Variants in RANBP1 observed in about 807,000 individuals in gnomAD.
The protein encoded by RANBP1 is RAN binding protein 1, also known as ran-specific GTPase-activating protein.
A neutral mutation model predicts 31.4 loss-of-function variants in RANBP1; 16 were observed. That is an observed-to-expected ratio of 0.51 (90% CI 0.34 to 0.77). The LOEUF (loss-of-function observed/expected upper bound fraction) is 0.77, where lower values mean the gene tolerates loss of function less well. Among genes scored for constraint, RANBP1 ranks in the 30% least tolerant of loss-of-function variants. The pLI is 0.01. For missense variants in RANBP1, 265 were observed against 362.0 expected, an observed-to-expected ratio of 0.73 and a Z score of 2.17; for synonymous variants, 129 against 140.5, an observed-to-expected ratio of 0.92 and a Z score of 0.58.
chr22:20,118,408 A>G (rs1230484414), intron 1 of RANBP1: 3 of 930,764 alleles, frequency 3.2e-6, no homozygotes, highest in Middle Eastern at 2.9e-4. Context: ...CACCGGTACA[A>G]TTTATCTAGT....
At chr22:20,122,654 C>T (rs1345399682) in intron 3 of RANBP1, 1 of 1,450,796 alleles carries the variant, frequency 6.9e-7, no homozygotes, top group Admixed American at 2.1e-5. Context: ...CCAGACGGGC[C>T]CTGATGGGAG....
chr22:20,122,306 A>G lies in RANBP1; in HGVS notation c.426A>G (p.Pro142=), dbSNP rs1439614737. Residue 142 remains proline (P), a synonymous_variant, in exon 3 of 6, where the codon CCA becomes CCG. Coordinates refer to ENST00000430524, the MANE Select transcript of RANBP1 (RefSeq NM_001278639.2). The part of the protein sequence containing the change: ...LFRFASENDL[P]EWKERGTGDV... ...GATTTGCCTCTGAGAACGATCTCCC[A>G]GAATGGAAGGAGCGAGGCACTGGTG... The G allele has an allele frequency of 1.2e-6, 2 of 1,613,130 alleles. No homozygotes were observed. The highest frequency in any genetic ancestry group is 2.7e-5 in the African/African-American group (2 of 74,924).
intron 2 of RANBP1, among the ~76,000 whole-genome samples, 191 bp from the exon 3 acceptor site, chr22:20,122,073 T>C (rs1045443503): frequency 1.3e-5 from 2 of 151,620 alleles, no homozygotes; most frequent in African/African-American, 2.4e-5. Context: ...GAATTCAAGA[T>C]GACCTGGAGT....
rs577583870 is a variant in RANBP1 at position 20,121,808 on chromosome 22, C to T, written c.384-456C>T. ...ACTGTAGGAGCAGTGGGGCAATCTC[C>T]ACTCACTGTATCCTCTGCCTCCTGG... On this transcript the variant is annotated intron_variant, in intron 2 of 5. Transcript: ENST00000430524. Among the ~76,000 whole-genome samples, 116 of 150,756 alleles carry T rather than the reference C, an allele frequency of 7.7e-4. 1 individual carries two copies. Among genetic ancestry groups the T allele is most frequent in the Non-Finnish European group, 1.3e-3 (89 of 67,680 alleles).
intron 2 of RANBP1, 36 bp from the exon 3 acceptor site, chr22:20,122,228 A>G: frequency 1.2e-6 from 2 of 1,601,620 alleles, no homozygotes; most frequent in Non-Finnish European, 1.7e-6. Context: ...TGTGGGCTGC[A>G]GGTCTGCACT....
chr22:20,117,338 G>A, intron 1 of RANBP1: 1 of 1,169,892 alleles, frequency 8.5e-7, no homozygotes, highest in Non-Finnish European at 1.1e-6. Context: ...GGTGTCGCCG[G>A]GAGTGCGCGC....
chr22:20,116,808 C>T, intron 1 of RANBP1: 1 of 1,478,214 alleles, frequency 6.8e-7, no homozygotes, highest in Non-Finnish European at 9.3e-7. Context: ...CACCTATTCT[C>T]TGGCAGGTTT....
chr22:20,118,606 CATT>C (rs1476678237), intron 1 of RANBP1, among the ~76,000 whole-genome samples: 1 of 152,340 alleles, frequency 6.6e-6, no homozygotes, highest in Admixed American at 6.5e-5. Flanking sequence ...TTCGACCCAT[CATT>C]GTGTCCTTTG....
intron 2 of RANBP1, among the ~76,000 whole-genome samples, chr22:20,120,592 G>A (rs1325039744): frequency 6.6e-6 from 1 of 152,220 alleles, no homozygotes. Flanking sequence ...GTGCACAGAG[G>A]GAGGGCGCCA....
At chr22:20,118,964 G>A (rs2050115945) in intron 1 of RANBP1, 49 bp from the exon 2 acceptor site, 1 of 1,588,042 alleles carries the variant, frequency 6.3e-7, no homozygotes, top group Non-Finnish European at 8.6e-7. Flanking sequence ...GGCTCTGGTT[G>A]TGAGCCAGAT....
chr22:20,121,350 A>G (rs1048411975), intron 2 of RANBP1, among the ~76,000 whole-genome samples: 1 of 152,084 alleles, frequency 6.6e-6, no homozygotes, highest in African/African-American at 2.4e-5. Context: ...CCCGGCTTCA[A>G]GGGATTCTCC....
chr22:20,119,170 G>A, intron 2 of RANBP1, 21 bp downstream of exon 2: 4 of 1,606,532 alleles, frequency 2.5e-6, no homozygotes, highest in Non-Finnish European at 3.4e-6. Flanking sequence ...TGATGTCCCA[G>A]AAATAGGACT....
At chr22:20,125,558 C>T (rs750800642) in intron 4 of RANBP1, 122 bp downstream of exon 4, 9 of 1,535,228 alleles carry the variant, frequency 5.9e-6, no homozygotes, top group Admixed American at 3.9e-5. Flanking sequence ...GGAAGTGTGT[C>T]GTGTGGGCTG....
intron 2 of RANBP1, 62 bp from the exon 3 acceptor site, chr22:20,122,202 C>T (rs1470733816): frequency 1.0e-5 from 16 of 1,570,914 alleles, no homozygotes; most frequent in Non-Finnish European, 1.2e-5. Context: ...CTGTGTCCTC[C>T]TGCGCAGGCC....
intron 2 of RANBP1, among the ~76,000 whole-genome samples, chr22:20,119,940 A>G (rs2050139118): frequency 1.3e-5 from 2 of 152,244 alleles, no homozygotes; most frequent in African/African-American, 4.8e-5. Flanking sequence ...AGCTGGCTAC[A>G]GTGGTGGGTA....
Position 20,116,969 on chromosome 22 carries a change from G to GGGCCTGTCACAAGGGAAGT in RANBP1, c.246+560_246+578dup, listed in dbSNP as rs564262685. ...GGGGGCCGCCTGGCCACCTCGTCCT[G>GGGCCTGTCACAAGGGAAGT]GGCCTGTCACAAGGGAAGTGGCCTG... On this transcript the variant is annotated intron_variant, in intron 1 of 5. Transcript: ENST00000430524. The GGGCCTGTCACAAGGGAAGT allele has an allele frequency of 9.6e-5, 149 of 1,556,336 alleles. 1 individual carries two copies. The South Asian group carries it at 1.5e-3, about 15-fold the overall frequency.
At position 20,116,192 on chromosome 22, in the gene RANBP1, C is replaced by T. The variant is rs1483893553; in HGVS notation, c.8C>T (p.Ser3Leu). The T allele has an allele frequency of 8.4e-5, 136 of 1,612,912 alleles. No individual in the cohort carries two copies. Among genetic ancestry groups the T allele is most frequent in the Non-Finnish European group, 1.1e-4 (131 of 1,179,992 alleles). MG[S>L]ALGRARRTLS... is the part of the protein sequence containing the mutation. ...TGTCGCCTCCTCCTGGCCATGGGGT[C>T]GGCCTTGGGCCGGGCCAGGCGCACA... The change falls in exon 1 of 6, where the codon TCG (serine) becomes TTG (leucine). Residue 3 changes from serine (S) to leucine (L), a missense_variant. This residue lies in a region of RANBP1 where 126 missense variants were observed against 123.6 expected (regional missense o/e 1.02). Transcript: ENST00000430524.
rs367782836 is a variant in RANBP1 at position 20,122,249 on chromosome 22, C to G, written c.384-15C>G. 1.2e-6 allele frequency: 2 copies of G among 1,611,538 alleles called. No homozygotes were observed. The highest frequency in any genetic ancestry group is 1.3e-5 in the African/African-American group (1 of 74,890). On this transcript the variant is annotated splice_polypyrimidine_tract_variant and intron_variant, in intron 2 of 5. Coordinates refer to ENST00000430524, the MANE Select transcript of RANBP1 (RefSeq NM_001278639.2). ...CTGCAGGTCTGCACTCTTAACCTCACGGCTTTTCTTGCAGGCGGGCAAAAC... is the reference window on the plus strand; with the variant it reads ...CTGCAGGTCTGCACTCTTAACCTCAGGGCTTTTCTTGCAGGCGGGCAAAAC...
At chr22:20,119,189 T>C (rs573748973) in intron 2 of RANBP1, 40 bp downstream of exon 2, 1 of 1,593,168 alleles carries the variant, frequency 6.3e-7, no homozygotes, top group African/African-American at 1.3e-5. Context: ...CTCTTTAAGG[T>C]TGAGGTTACA....
Sources: allele counts gnomAD v4.1 joint callset (sites outside exome capture counted in the v4.1 genomes callset), GRCh38; gene constraint gnomAD v4.1.1; regional missense constraint gnomAD v4.1.1; transcripts MANE v1.5; gene names NCBI Gene and HGNC (gene_info 2026-07-23, HGNC 2026-07-21).